SLC5A11: variants seen among roughly 807,000 people sequenced by gnomAD.
SLC5A11 encodes the protein solute carrier family 5 member 11, also known as sodium/myo-inositol cotransporter 2.
Under a neutral mutation model 69.8 loss-of-function variants are expected in SLC5A11, and 48 were observed. The observed-to-expected ratio is 0.69, with a 90% CI of 0.55 to 0.87. The LOEUF (loss-of-function observed/expected upper bound fraction) is 0.87, where lower values mean the gene tolerates loss of function less well. Ranked by LOEUF, SLC5A11 falls within the 40% of genes least tolerant of loss-of-function variation. The probability of loss-of-function intolerance (pLI) is 0.00; values close to 1 mark genes in which losing one functional copy is unlikely to be tolerated. For missense variants in SLC5A11, 784 were observed against 866.1 expected (o/e 0.91, Z 1.19); for synonymous variants, 319 against 342.4 (o/e 0.93, Z 0.75).
intron 1 of SLC5A11, among the ~76,000 whole-genome samples, chr16:24,848,675 G>A (rs931472825): frequency 6.6e-6 from 1 of 152,190 alleles, no homozygotes; most frequent in Admixed American, 6.5e-5. Context: ...GGGAGACGGA[G>A]GTGGGAGGAT....
intron 8 of SLC5A11, among the ~76,000 whole-genome samples, chr16:24,890,477 T>G (rs1395641709): frequency 1.9e-5 from 1 of 53,000 alleles, no homozygotes; most frequent in Non-Finnish European, 3.1e-5. Context: ...GAGCAAGACT[T>G]CATATCAAAA....
At chr16:24,909,135 T>C in intron 14 of SLC5A11, 39 bp downstream of exon 15, 1 of 1,597,612 alleles carries the variant, frequency 6.3e-7, no homozygotes, top group Non-Finnish European at 8.6e-7. Flanking sequence ...TGAGACTTTT[T>C]GTTGGAAGTG....
intron 9 of SLC5A11, among the ~76,000 whole-genome samples, chr16:24,894,870 C>T (rs62032839): frequency 0.085 from 12,869 of 151,146 alleles, 686 homozygotes; most frequent in Middle Eastern, 0.2. Flanking sequence ...CTGTAATCCC[C>T]GCACTTTGGG....
intron 1 of SLC5A11, among the ~76,000 whole-genome samples, chr16:24,858,230 T>C (rs1326186496): frequency 1.3e-5 from 2 of 152,206 alleles, no homozygotes; most frequent in African/African-American, 4.8e-5. Context: ...TTGGACAAAA[T>C]TGTTGACTTG....
At chr16:24,892,454 A>G (rs1031113234) in intron 9 of SLC5A11, among the ~76,000 whole-genome samples, 6 of 151,864 alleles carry the variant, frequency 4.0e-5, no homozygotes, top group Non-Finnish European at 8.8e-5. Context: ...TAAAAAAAAA[A>G]AAAAAGGAGA....
At chr16:24,858,692 G>T in exon 2 of SLC5A11, 3 of 1,611,626 alleles carry the variant, frequency 1.9e-6, no homozygotes, top group Non-Finnish European at 2.5e-6. Context: ...AGATCCCCTG[G>T]ATGCGTTTCC....
intron 10 of SLC5A11, among the ~76,000 whole-genome samples, chr16:24,902,252 T>C (rs1023046661): frequency 3.0e-4 from 45 of 152,182 alleles, no homozygotes; most frequent in African/African-American, 1.1e-3. Context: ...GAGGCAACAG[T>C]TGACCCATGC....
chr16:24,892,948 T>C (rs920518251), intron 9 of SLC5A11, among the ~76,000 whole-genome samples: 2 of 152,050 alleles, frequency 1.3e-5, no homozygotes, highest in Admixed American at 1.3e-4. Context: ...GAAACAGGAC[T>C]GATCCGGGCT....
rs576953225 is a variant in SLC5A11, at chr16:24,884,313, T to C, written c.664+182T>C. Among the ~76,000 whole-genome samples the C allele has an allele frequency of 1.1e-3, 173 of 152,236 alleles. 2 individuals carry two copies. Among genetic ancestry groups the C allele is most frequent in the Admixed American group, 2.2e-3 (34 of 15,282 alleles). ...AGCTAGAAGAGAAATGTGCTTATTG[T>C]GGAAACTTACTGTTTTTGTTTTTGT... On this transcript the variant is annotated intron_variant, in intron 8 of 15. Transcript: ENST00000347898.
At chr16:24,866,535 C>T (rs2046927261) in intron 3 of SLC5A11, among the ~76,000 whole-genome samples, 1 of 148,350 alleles carries the variant, frequency 6.7e-6, no homozygotes, top group African/African-American at 2.5e-5. Context: ...GCCAAGATCA[C>T]ACCACTGCAC....
intron 5 of SLC5A11, among the ~76,000 whole-genome samples, chr16:24,875,373 G>T (rs1375501126): frequency 6.9e-6 from 1 of 145,076 alleles, no homozygotes; most frequent in African/African-American, 2.6e-5. Flanking sequence ...TTGTAGAAAT[G>T]GGGTTTCACC....
intron 4 of SLC5A11, among the ~76,000 whole-genome samples, chr16:24,871,118 T>C (rs1297594715): frequency 6.6e-6 from 1 of 152,214 alleles, no homozygotes; most frequent in African/African-American, 2.4e-5. Context: ...CAGACTTTGA[T>C]ATGTTCCATA....
chr16:24,882,243 C>T (rs919988502), intron 7 of SLC5A11, among the ~76,000 whole-genome samples: 3 of 152,146 alleles, frequency 2.0e-5, no homozygotes, highest in African/African-American at 7.2e-5. Flanking sequence ...AAAATGATCC[C>T]CACAGTGCCT....
At chr16:24,869,587 A>C (rs1253096615) in intron 3 of SLC5A11, among the ~76,000 whole-genome samples, 1 of 151,962 alleles carries the variant, frequency 6.6e-6, no homozygotes, top group African/African-American at 2.4e-5. Context: ...CCGACCCCCG[A>C]CCCCCGCAGG....
At chr16:24,870,089 C>T in intron 4 of SLC5A11, 84 bp downstream of exon 5, 2 of 991,990 alleles carry the variant, frequency 2.0e-6, no homozygotes, top group South Asian at 1.4e-5. Context: ...GAATGCCCTG[C>T]ACTTTAAAAA....
intron 3 of SLC5A11, among the ~76,000 whole-genome samples, chr16:24,863,089 AATAG>A (rs1336277807): frequency 3.0e-4 from 43 of 142,552 alleles, no homozygotes; most frequent in African/African-American, 1.1e-3. Flanking sequence ...TATTATATAT[AATAG>A]ATATATATTA....
At chr16:24,906,855 G>A in intron 11 of SLC5A11, 91 bp downstream of exon 12, 1 of 1,411,382 alleles carries the variant, frequency 7.1e-7, no homozygotes, top group East Asian at 2.3e-5. Flanking sequence ...GGTCAAGAAA[G>A]GAGGGCTGGT....
intron 1 of SLC5A11, among the ~76,000 whole-genome samples, chr16:24,852,546 A>G (rs2059356464): frequency 6.6e-6 from 1 of 152,124 alleles, no homozygotes; most frequent in African/African-American, 2.4e-5. Context: ...GGTTCTTCAC[A>G]AGAGGTGAAG....
chr16:24,877,094 G>C (rs375458880), intron 6 of SLC5A11, 164 bp from the exon 8 acceptor site: 12 of 1,472,650 alleles, frequency 8.1e-6, no homozygotes, highest in Admixed American at 4.4e-5. Context: ...TCCAGCTGAA[G>C]ACCCCTGATC....
Sources: allele counts gnomAD v4.1 joint callset (sites outside exome capture counted in the v4.1 genomes callset), GRCh38; gene constraint gnomAD v4.1.1; transcripts MANE v1.5; gene names NCBI Gene and HGNC (gene_info 2026-07-23, HGNC 2026-07-21).